TRIM55: variants seen among roughly 807,000 people sequenced by gnomAD.
TRIM55 encodes the protein tripartite motif-containing protein 55.
TRIM55 carries 50 observed loss-of-function variants against 60.9 expected under a neutral mutation model. That is an observed-to-expected ratio of 0.82 (90% CI 0.65 to 1.04). TRIM55 has a LOEUF of 1.04. Among genes scored for constraint, TRIM55 ranks in the 50% least tolerant of loss-of-function variants. TRIM55 has a pLI of 0.00. For missense variants in TRIM55, 681 were observed against 666.9 expected (o/e 1.02, Z -0.23); for synonymous variants, 237 against 238.1 (o/e 1.00, Z 0.04).
chr8:66,136,507 TG>T (rs914392705), intron 3 of TRIM55, among the ~76,000 whole-genome samples: 3 of 152,170 alleles, frequency 2.0e-5, no homozygotes, highest in Non-Finnish European at 4.4e-5. Flanking sequence ...CCAGTGCTCC[TG>T]GTGGCTCCAT....
chr8:66,128,920 A>T (rs1219685438), intron 2 of TRIM55, among the ~76,000 whole-genome samples: 1 of 152,212 alleles, frequency 6.6e-6, no homozygotes, highest in African/African-American at 2.4e-5. Context: ...TTCCTAGTTC[A>T]GACAGTCTTG....
At chr8:66,113,644 T>C in the TRIM55 span, 1 of 454,140 alleles carries the variant, frequency 2.2e-6, no homozygotes, top group African/African-American at 2.0e-5. Flanking sequence ...CCGGGCAGGT[T>C]CCCAGCGCAG....
chr8:66,126,920 C>A (rs758615654), upstream of TRIM55: 7 of 191,364 alleles, frequency 3.7e-5, no homozygotes, highest in Non-Finnish European at 6.5e-5. Context: ...CTGTCAGCTT[C>A]GACCTCCTTC....
intron 9 of TRIM55, among the ~76,000 whole-genome samples, chr8:66,169,784 A>G (rs1414704146): frequency 6.6e-6 from 1 of 152,158 alleles, no homozygotes; most frequent in African/African-American, 2.4e-5. Context: ...AGCATTCCCA[A>G]TCCAAGGCAC....
chr8:66,153,733 C>G (rs200841388), intron 8 of TRIM55, among the ~76,000 whole-genome samples: 1 of 152,138 alleles, frequency 6.6e-6, no homozygotes, highest in Admixed American at 6.5e-5. Context: ...TAGTTTGACC[C>G]TTTTCCCATA....
At chr8:66,166,791 C>T (rs1398197572) in intron 9 of TRIM55, among the ~76,000 whole-genome samples, 5 of 152,132 alleles carry the variant, frequency 3.3e-5, no homozygotes. Flanking sequence ...TCGTCCTCCA[C>T]CAAGTGGGGC....
intron 5 of TRIM55, 53 bp downstream of exon 5, chr8:66,149,931 A>G: frequency 7.4e-7 from 1 of 1,351,446 alleles, no homozygotes; most frequent in Non-Finnish European, 1.0e-6. Context: ...GTGTTGGAAA[A>G]TTAGTTATCA....
intron 2 of TRIM55, among the ~76,000 whole-genome samples, chr8:66,134,514 G>A (rs1242947897): frequency 1.3e-5 from 2 of 152,112 alleles, no homozygotes; most frequent in Admixed American, 6.5e-5. Context: ...GTGCAAACTC[G>A]ACTTTTAGTT....
chr8:66,113,382 C>G, the TRIM55 span: 4 of 390,232 alleles, frequency 1.0e-5, no homozygotes, highest in Admixed American at 1.2e-4. Context: ...GATAGCTCAG[C>G]TGGTAGAGCG....
chr8:66,163,207 C>T (rs1811144365), intron 9 of TRIM55, among the ~76,000 whole-genome samples: 1 of 152,140 alleles, frequency 6.6e-6, no homozygotes, highest in African/African-American at 2.4e-5. Context: ...AATGTTCCAT[C>T]TTTAAAAAAA....
At position 66,128,318 on chromosome 8, in the gene TRIM55, T is replaced by C; in HGVS notation, c.183T>C (p.Tyr61=). 6.2e-7 allele frequency: 1 copy of C among 1,608,116 alleles called. No individual in the cohort carries two copies. The highest frequency in any genetic ancestry group is 1.3e-5 in the African/African-American group (1 of 74,698). Residue 61 remains tyrosine (Y), a synonymous_variant, in exon 2 of 10, where the codon TAT becomes TAC. Transcript: ENST00000315962. ...ASDIFQASNP[Y]LPTRGGTTMA... ...GGCAAGAACAGGCCTCTAACCCGTA[T>C]TTGCCCACAAGAGGAGGTACCACCA...
intron 4 of TRIM55, among the ~76,000 whole-genome samples, chr8:66,138,686 G>C (rs920485333): frequency 6.6e-6 from 1 of 152,236 alleles, no homozygotes; most frequent in Non-Finnish European, 1.5e-5. Flanking sequence ...ACCACGCCCA[G>C]CCAGCATTAT....
chr8:66,154,504 A>G (rs965756926), intron 9 of TRIM55, among the ~76,000 whole-genome samples, 170 bp downstream of exon 9: 6 of 152,228 alleles, frequency 3.9e-5, no homozygotes, highest in African/African-American at 1.4e-4. Context: ...TGAGCTCTAT[A>G]TAAAAGAAAA....
chr8:66,114,774 G>A, the TRIM55 span: 2 of 363,628 alleles, frequency 5.5e-6, no homozygotes, highest in South Asian at 4.1e-5. Flanking sequence ...AGGTAGCCCT[G>A]GAGAGGTGAG....
intron 9 of TRIM55, among the ~76,000 whole-genome samples, chr8:66,163,734 C>T (rs1404598291): frequency 6.6e-6 from 1 of 152,190 alleles, no homozygotes; most frequent in South Asian, 2.1e-4. Flanking sequence ...CATGTGAAAA[C>T]ACAAGTGTTT....
chr8:66,153,147 T>C (rs949240232), intron 8 of TRIM55, among the ~76,000 whole-genome samples: 1 of 152,192 alleles, frequency 6.6e-6, no homozygotes, highest in African/African-American at 2.4e-5. Context: ...ACTACACTAG[T>C]TTATGTTCCT....
At chr8:66,141,371 C>T (rs986784135) in intron 4 of TRIM55, among the ~76,000 whole-genome samples, 2 of 152,120 alleles carry the variant, frequency 1.3e-5, no homozygotes, top group Non-Finnish European at 2.9e-5. Context: ...CCCTGAACTC[C>T]GGACTGCAGG....
the TRIM55 span, among the ~76,000 whole-genome samples, chr8:66,115,402 A>G: frequency 6.6e-6 from 1 of 152,204 alleles, no homozygotes; most frequent in Non-Finnish European, 1.5e-5. Context: ...AAAAAGAATT[A>G]TTTTATCAGA....
upstream of TRIM55, among the ~76,000 whole-genome samples, chr8:66,122,758 A>T (rs967060007): frequency 6.6e-6 from 1 of 152,196 alleles, no homozygotes; most frequent in African/African-American, 2.4e-5. Context: ...ATTCAGGCTT[A>T]GCTGATCAGT....
Sources: gnomAD v4.1 joint callset for allele counts (sites outside exome capture counted in the v4.1 genomes callset) on GRCh38, gnomAD v4.1.1 for gene constraint, MANE v1.5 for transcripts, NCBI Gene and HGNC (gene_info 2026-07-23, HGNC 2026-07-21) for gene names.